Variants in ODAD2 observed in about 807,000 individuals in gnomAD.
ODAD2 encodes the protein outer dynein arm docking complex subunit 2.
A neutral mutation model predicts 106.8 loss-of-function variants in ODAD2; 89 were observed. That is an observed-to-expected ratio of 0.83 (90% CI 0.70 to 0.99). The LOEUF (loss-of-function observed/expected upper bound fraction) is 0.99. Ranked by LOEUF, ODAD2 falls within the 50% of genes least tolerant of loss-of-function variation. The pLI is 0.00. For missense variants in ODAD2, 1,168 were observed against 1,238.5 expected, an observed-to-expected ratio of 0.94 and a Z score of 0.85; for synonymous variants, 404 against 436.2, an observed-to-expected ratio of 0.93 and a Z score of 0.92.
chr10:27,890,164 G>A (rs1436290308), intron 17 of ODAD2, among the ~76,000 whole-genome samples: 2 of 152,178 alleles, frequency 1.3e-5, no homozygotes, highest in East Asian at 3.8e-4. Context: ...AAACAGTGAG[G>A]TCAATGGGCA....
At chr10:27,940,487 G>A in intron 13 of ODAD2, 76 bp downstream of exon 13, 5 of 1,555,510 alleles carry the variant, frequency 3.2e-6, no homozygotes, top group Non-Finnish European at 4.4e-6. Context: ...GAGCCATCAT[G>A]ATAACCTTAG....
chr10:27,857,054 A>G (rs1839704930), intron 19 of ODAD2, among the ~76,000 whole-genome samples: 1 of 152,124 alleles, frequency 6.6e-6, no homozygotes. Flanking sequence ...TTGGATATAC[A>G]CCATGTACCC....
chr10:27,885,960 A>G (rs1418739134), intron 17 of ODAD2, among the ~76,000 whole-genome samples: 1 of 138,298 alleles, frequency 7.2e-6, no homozygotes, highest in Non-Finnish European at 1.5e-5. Flanking sequence ...GAAAAATACA[A>G]TAACTAAATT....
chr10:27,815,683 T>C (rs1368171798), intron 19 of ODAD2, among the ~76,000 whole-genome samples: 1 of 152,244 alleles, frequency 6.6e-6, no homozygotes, highest in African/African-American at 2.4e-5. Context: ...TCCATGGCTC[T>C]GTCTGCTTCC....
intron 19 of ODAD2, among the ~76,000 whole-genome samples, chr10:27,837,257 C>A (rs2133071298): frequency 6.6e-6 from 1 of 152,302 alleles, no homozygotes; most frequent in Non-Finnish European, 1.5e-5. Context: ...ATCGTGGGGG[C>A]CATCCTGGCC....
intron 17 of ODAD2, among the ~76,000 whole-genome samples, chr10:27,898,637 T>C (rs540065893): frequency 3.6e-4 from 55 of 152,338 alleles, no homozygotes; most frequent in Non-Finnish European, 5.6e-4. Context: ...CTGTAAACAA[T>C]ATTATTTAAA....
At position 27,995,189 on chromosome 10, in the gene ODAD2, G is replaced by A; in HGVS notation, c.-38-9C>T. The A allele has an allele frequency of 6.3e-7, 1 of 1,594,658 alleles. No individual in the cohort carries two copies. The highest frequency in any genetic ancestry group is 8.6e-7 in the Non-Finnish European group (1 of 1,169,202). ...TGAGCTTAGCACACGCACTACATCA[G>A]AGCAGAAAGAGAAAGAGACAACAGC... is the stretch of plus-strand genomic sequence containing the variant. On this transcript the variant is annotated splice_polypyrimidine_tract_variant and intron_variant, in intron 1 of 19. Coordinates refer to ENST00000305242, the MANE Select transcript of ODAD2 (RefSeq NM_018076.5).
intron 16 of ODAD2, among the ~76,000 whole-genome samples, chr10:27,925,815 T>C (rs1436456058): frequency 2.0e-5 from 3 of 152,028 alleles, no homozygotes; most frequent in Non-Finnish European, 4.4e-5. Context: ...CCACTACTAT[T>C]CAAGAAGGTA....
At chr10:27,894,767 TG>T (rs1842759350) in intron 17 of ODAD2, among the ~76,000 whole-genome samples, 2 of 151,574 alleles carry the variant, frequency 1.3e-5, no homozygotes, top group African/African-American at 4.8e-5. Flanking sequence ...AGTCTCCCTA[TG>T]CTCCCCCAGC....
intron 9 of ODAD2, among the ~76,000 whole-genome samples, chr10:27,965,777 G>C (rs543364938): frequency 3.3e-5 from 5 of 152,284 alleles, no homozygotes; most frequent in African/African-American, 1.2e-4. Flanking sequence ...GTTTAACTTG[G>C]ATTTACAAAA....
intron 19 of ODAD2, among the ~76,000 whole-genome samples, chr10:27,835,788 G>A (rs1356892688): frequency 1.3e-5 from 2 of 152,096 alleles, no homozygotes; most frequent in African/African-American, 4.8e-5. Flanking sequence ...AGCTGGGCAT[G>A]GTGGCAGGCA....
chr10:27,885,777 AATATATATTATATATAAT>A lies in ODAD2; in HGVS notation c.2610+21868_2610+21885del, dbSNP rs1564466640. Among the ~76,000 whole-genome samples, 49 of 42,646 alleles carry A rather than the reference AATATATATTATATATAAT, an allele frequency of 1.1e-3. 2 individuals carry two copies. The highest frequency in any genetic ancestry group is 4.1e-3 in the African/African-American group (48 of 11,686). 28.0% of individuals were successfully genotyped at this position (42,646 alleles called of 152,430 possible). A position where few individuals can be genotyped will look rare whatever the true frequency, so the allele number is the denominator to read the frequency against. ...TATATATTTTATATATATTATATAAAATATATATTATATATAATATATATAAAATATATATTATATATA... is the reference window on the plus strand; with the variant it reads ...TATATATTTTATATATATTATATAAAATATATAAAATATATATTATATATA... On this transcript the variant is annotated intron_variant, in intron 17 of 19. Coordinates refer to ENST00000305242, the MANE Select transcript of ODAD2 (RefSeq NM_018076.5).
intron 17 of ODAD2, among the ~76,000 whole-genome samples, chr10:27,879,818 T>A (rs1335954744): frequency 1.3e-5 from 2 of 152,226 alleles, no homozygotes; most frequent in Non-Finnish European, 2.9e-5. Flanking sequence ...CTAATCTTAA[T>A]CTTTATGAAT....
Position 27,935,047 on chromosome 10 carries a change from C to A in ODAD2, c.2458G>T (p.Ala820Ser). ...NQALLVNVTK[A>S]VGACAVEPES... ...GGTTCTACTGCACAAGCACCAACTG[C>A]TTTTGTAACATTCACAAGAAGAGCT... Residue 820 changes from alanine (A) to serine (S), a missense_variant, in exon 16 of 20, where the codon GCA becomes TCA. Physicochemically the swap from Ala to Ser is moderately conservative, Grantham distance 99 (BLOSUM62 1). Transcript: ENST00000305242. 1 of 1,614,010 alleles carries A rather than the reference C, an allele frequency of 6.2e-7. No individual in the cohort carries two copies. The highest frequency in any genetic ancestry group is 8.5e-7 in the Non-Finnish European group (1 of 1,179,878).
chr10:27,934,978 T>C (rs774498883), intron 16 of ODAD2, 32 bp downstream of exon 16: 44 of 1,612,534 alleles, frequency 2.7e-5, no homozygotes, highest in Admixed American at 3.3e-5. Context: ...CTAACACTTA[T>C]ATAAAATCTT....
intron 7 of ODAD2, among the ~76,000 whole-genome samples, chr10:27,973,111 C>T (rs139490509): frequency 2.9e-4 from 44 of 152,188 alleles, no homozygotes; most frequent in African/African-American, 9.9e-4. Flanking sequence ...AGAAACTCCT[C>T]ATATATATTG....
intron 17 of ODAD2, among the ~76,000 whole-genome samples, chr10:27,896,273 T>C (rs1564477327): frequency 6.6e-6 from 1 of 152,190 alleles, no homozygotes; most frequent in Non-Finnish European, 1.5e-5. Flanking sequence ...AAGCCAGTGC[T>C]CATTGTTGAA....
intron 19 of ODAD2, among the ~76,000 whole-genome samples, chr10:27,856,774 C>A (rs1041148164): frequency 1.3e-5 from 2 of 152,058 alleles, no homozygotes; most frequent in African/African-American, 4.8e-5. Context: ...CGAGACTAGC[C>A]TGGCCAACAT....
intron 16 of ODAD2, 43 bp from the exon 17 acceptor site, chr10:27,907,820 T>G: frequency 7.9e-7 from 1 of 1,269,592 alleles, no homozygotes; most frequent in Non-Finnish European, 1.1e-6. Flanking sequence ...GTCATTAGTA[T>G]GTGAAGACAA....
Sources: gnomAD v4.1 joint callset for allele counts (sites outside exome capture counted in the v4.1 genomes callset) on GRCh38, gnomAD v4.1.1 for gene constraint, MANE v1.5 for transcripts, NCBI Gene and HGNC (gene_info 2026-07-23, HGNC 2026-07-21) for gene names.